The following B3GALT1 variants were observed in gnomAD, a reference collection of about 807,000 sequenced individuals.
The protein encoded by B3GALT1 is beta-1,3-galactosyltransferase 1.
A neutral mutation model predicts 23.2 loss-of-function variants in B3GALT1; 10 were observed. The ratio of observed to expected loss-of-function variants is 0.43; its 90% CI spans 0.27 to 0.73. The LOEUF (loss-of-function observed/expected upper bound fraction) is 0.73, where lower values mean the gene tolerates loss of function less well. Ranked by LOEUF, B3GALT1 falls within the 30% of genes least tolerant of loss-of-function variation. The probability of loss-of-function intolerance (pLI) is 0.21; values close to 1 mark genes in which losing one functional copy is unlikely to be tolerated. For missense variants in B3GALT1, 299 were observed against 405.4 expected (o/e 0.74, Z 2.25); for synonymous variants, 156 against 141.5 (o/e 1.10, Z -0.73).
chr2:167,393,174 C>A (rs1407577876), intron 1 of B3GALT1, among the ~76,000 whole-genome samples: 1 of 150,462 alleles, frequency 6.6e-6, no homozygotes, highest in Non-Finnish European at 1.5e-5. Flanking sequence ...GCGGAGCTTG[C>A]AGTGAGCCGA....
chr2:167,458,018 T>C (rs567797676), intron 1 of B3GALT1, among the ~76,000 whole-genome samples: 10 of 152,328 alleles, frequency 6.6e-5, no homozygotes, highest in Non-Finnish European at 1.0e-4. Flanking sequence ...TTCAATGTTA[T>C]TAAATACATT....
intron 3 of B3GALT1, among the ~76,000 whole-genome samples, chr2:167,704,267 C>A (rs574286696): frequency 3.3e-4 from 49 of 150,202 alleles, no homozygotes; most frequent in African/African-American, 1.1e-3. Context: ...CCAACTGTGA[C>A]AGGCTGTCAA....
intron 1 of B3GALT1, among the ~76,000 whole-genome samples, chr2:167,385,922 G>T (rs1411451492): frequency 6.6e-6 from 1 of 152,160 alleles, no homozygotes; most frequent in East Asian, 1.9e-4. Context: ...TGATTGAAAG[G>T]AGAACTGTTT....
At chr2:167,360,361 C>A (rs1388414095) in intron 1 of B3GALT1, among the ~76,000 whole-genome samples, 1 of 152,156 alleles carries the variant, frequency 6.6e-6, no homozygotes, top group East Asian at 1.9e-4. Context: ...CAGAGAACAT[C>A]ATTCTTGATC....
At chr2:167,732,695 G>C (rs569747002) in intron 3 of B3GALT1, among the ~76,000 whole-genome samples, 2 of 152,266 alleles carry the variant, frequency 1.3e-5, no homozygotes, top group Admixed American at 1.3e-4. Flanking sequence ...TTGATTATTT[G>C]TGTAAGCAAA....
intron 4 of B3GALT1, among the ~76,000 whole-genome samples, chr2:167,851,404 A>T (rs1165164383): frequency 1.3e-5 from 2 of 152,216 alleles, no homozygotes; most frequent in East Asian, 3.8e-4. Context: ...GTCACAGAAC[A>T]TCTTAACTGT....
Position 167,625,942 on chromosome 2 carries a change from C to CATATATATAT in B3GALT1, c.-409-20932_-409-20923dup, listed in dbSNP as rs10522850. Reference sequence around the variant, plus strand: ...ATGACAGAAAAATCAATGACTAGGCCATATATATATATATATATATATATA... The same window carrying CATATATATAT: ...ATGACAGAAAAATCAATGACTAGGCCATATATATATATATATATATATATATATATATATA... On this transcript the variant is annotated intron_variant, in intron 2 of 4. Coordinates refer to ENST00000392690, the MANE Select transcript of B3GALT1 (RefSeq NM_020981.4). 2.3e-3 allele frequency among the ~76,000 whole-genome samples: 268 copies of CATATATATAT among 118,252 alleles called. 8 individuals are homozygous for CATATATATAT. The highest frequency in any genetic ancestry group is 5.1e-3 in the African/African-American group (141 of 27,596). The allele number at this position is 118,252 out of a possible 152,430, so 77.6% of individuals were successfully genotyped here.
intron 2 of B3GALT1, among the ~76,000 whole-genome samples, chr2:167,505,684 G>A (rs1414317130): frequency 2.0e-5 from 3 of 152,082 alleles, no homozygotes; most frequent in Non-Finnish European, 4.4e-5. Flanking sequence ...TCACAAAAAT[G>A]TATTTTAGAT....
intron 1 of B3GALT1, among the ~76,000 whole-genome samples, chr2:167,481,048 C>A (rs1449054545): frequency 1.3e-5 from 2 of 152,096 alleles, no homozygotes; most frequent in African/African-American, 4.8e-5. Context: ...CTTTTTTTCT[C>A]TCCAGCAGCT....
chr2:167,461,002 G>T (rs188235294), intron 1 of B3GALT1, among the ~76,000 whole-genome samples: 113 of 152,312 alleles, frequency 7.4e-4, no homozygotes, highest in African/African-American at 2.6e-3. Flanking sequence ...GGGGAGGAAG[G>T]TCAGTGGTCG....
intron 1 of B3GALT1, among the ~76,000 whole-genome samples, chr2:167,368,576 G>T (rs1306333168): frequency 1.3e-5 from 2 of 152,188 alleles, no homozygotes; most frequent in African/African-American, 2.4e-5. Context: ...TGCTGTACAT[G>T]ATTCAGGCAC....
At chr2:167,623,893 C>T (rs115818183) in intron 2 of B3GALT1, among the ~76,000 whole-genome samples, 1,686 of 152,028 alleles carry the variant, frequency 0.011, 15 homozygotes, top group South Asian at 0.038. Flanking sequence ...ACATTTTAGG[C>T]AGGATAAAAA....
At chr2:167,839,730 A>G (rs1177963965) in intron 4 of B3GALT1, among the ~76,000 whole-genome samples, 24 of 152,352 alleles carry the variant, frequency 1.6e-4, no homozygotes, top group African/African-American at 5.8e-4. Flanking sequence ...AGTCAATCCT[A>G]AGCCAAAAGA....
chr2:167,400,348 T>C (rs1325183502), intron 1 of B3GALT1, among the ~76,000 whole-genome samples: 2 of 152,102 alleles, frequency 1.3e-5, no homozygotes, highest in Non-Finnish European at 2.9e-5. Flanking sequence ...TTCCTCTGTC[T>C]TCCTTTTCCT....
At chr2:167,311,905 G>A (rs903507775) in intron 1 of B3GALT1, among the ~76,000 whole-genome samples, 3 of 151,992 alleles carry the variant, frequency 2.0e-5, no homozygotes, top group Admixed American at 6.6e-5. Context: ...CAGGAAAGAG[G>A]CAGAAGCAGT....
chr2:167,541,749 TC>T (rs1165333010), intron 2 of B3GALT1, among the ~76,000 whole-genome samples: 3 of 152,066 alleles, frequency 2.0e-5, no homozygotes, highest in Non-Finnish European at 4.4e-5. Flanking sequence ...CACCCCAAAC[TC>T]CCAACAGTGG....
intron 1 of B3GALT1, among the ~76,000 whole-genome samples, chr2:167,407,543 A>T (rs1445866020): frequency 8.4e-6 from 1 of 118,532 alleles, no homozygotes; most frequent in Non-Finnish European, 1.8e-5. Flanking sequence ...ATGAACAAAA[A>T]AAAGTTGTTT....
At chr2:167,526,675 A>G (rs1323641979) in intron 2 of B3GALT1, among the ~76,000 whole-genome samples, 1 of 152,228 alleles carries the variant, frequency 6.6e-6, no homozygotes. Flanking sequence ...AGGAGTGCTT[A>G]CAGAAATGTA....
At chr2:167,738,807 G>A (rs1417408365) in intron 3 of B3GALT1, among the ~76,000 whole-genome samples, 1 of 152,124 alleles carries the variant, frequency 6.6e-6, no homozygotes, top group Non-Finnish European at 1.5e-5. Flanking sequence ...ACTTTTGTGG[G>A]ACCAACTCTT....
Sources: allele counts gnomAD v4.1 joint callset (sites outside exome capture counted in the v4.1 genomes callset), GRCh38; gene constraint gnomAD v4.1.1; transcripts MANE v1.5; gene names NCBI Gene and HGNC (gene_info 2026-07-23, HGNC 2026-07-21).